The following DAB1 variants were observed in gnomAD, a reference collection of about 807,000 sequenced individuals.
DAB1 encodes the protein DAB adaptor protein 1.
Under a neutral mutation model 64.6 loss-of-function variants are expected in DAB1, and 15 were observed. That is an observed-to-expected ratio of 0.23 (90% CI 0.16 to 0.36). The LOEUF is 0.36. DAB1 is among the 10% of genes least tolerant of loss of function. The pLI is 1.00. For missense variants in DAB1, 596 were observed against 706.7 expected (o/e 0.84, Z 1.78); for synonymous variants, 235 against 251.9 (o/e 0.93, Z 0.64).
chr1:58,449,475 G>A (rs948327362), intron 3 of DAB1, among the ~76,000 whole-genome samples: 1 of 152,300 alleles, frequency 6.6e-6, no homozygotes, highest in African/African-American at 2.4e-5. Context: ...GGATGGGTGA[G>A]AATAGGATAG....
intron 4 of DAB1, among the ~76,000 whole-genome samples, chr1:58,211,634 G>A (rs1302784761): frequency 6.6e-6 from 1 of 152,150 alleles, no homozygotes; most frequent in Non-Finnish European, 1.5e-5. Context: ...GTTTTCCATT[G>A]CCTATGGCTT....
intron 2 of DAB1, among the ~76,000 whole-genome samples, chr1:57,159,734 A>G (rs1360703671): frequency 6.6e-6 from 1 of 151,938 alleles, no homozygotes; most frequent in Non-Finnish European, 1.5e-5. Context: ...CAAAGGTCTC[A>G]GGTACTATTA....
At chr1:57,497,120 T>C (rs961538684) in intron 7 of DAB1, among the ~76,000 whole-genome samples, 2 of 152,234 alleles carry the variant, frequency 1.3e-5, no homozygotes, top group Non-Finnish European at 2.9e-5. Flanking sequence ...CACATGCTAC[T>C]TCCTCAGAAA....
At chr1:57,377,282 A>G (rs1488052087) in intron 1 of DAB1, among the ~76,000 whole-genome samples, 1 of 58,348 alleles carries the variant, frequency 1.7e-5, no homozygotes, top group African/African-American at 7.1e-5. Flanking sequence ...AAAAAAAAAA[A>G]AAAGAAAAGA....
chr1:58,139,729 G>T (rs1654169739), intron 5 of DAB1, among the ~76,000 whole-genome samples: 1 of 152,230 alleles, frequency 6.6e-6, no homozygotes, highest in Non-Finnish European at 1.5e-5. Flanking sequence ...CTTGCTAAAA[G>T]ATGTAATTTG....
intron 2 of DAB1, among the ~76,000 whole-genome samples, chr1:57,150,892 G>C (rs1018921989): frequency 7.9e-5 from 12 of 152,140 alleles, no homozygotes; most frequent in African/African-American, 2.7e-4. Flanking sequence ...CTGGTGGAGT[G>C]CACCTGCAAT....
chr1:57,791,431 A>G (rs1036553889), intron 6 of DAB1, among the ~76,000 whole-genome samples: 1 of 152,196 alleles, frequency 6.6e-6, no homozygotes, highest in African/African-American at 2.4e-5. Context: ...CATTATGAAA[A>G]TATAAAAGGA....
chr1:57,502,143 AC>A (rs1270920040), intron 7 of DAB1, among the ~76,000 whole-genome samples: 2 of 151,660 alleles, frequency 1.3e-5, no homozygotes, highest in African/African-American at 4.8e-5. Context: ...ACACGGTGAA[AC>A]CCCGTCTCTA....
chr1:57,531,998 CT>C, intron 7 of DAB1, among the ~76,000 whole-genome samples: 1 of 152,076 alleles, frequency 6.6e-6, no homozygotes, highest in East Asian at 1.9e-4. Flanking sequence ...TATTAATTAC[CT>C]TTGTTTTCAG....
At chr1:57,326,931 ATTAT>A (rs61451955) in intron 1 of DAB1, among the ~76,000 whole-genome samples, 14,843 of 149,996 alleles carry the variant, frequency 0.099, 1,768 homozygotes, top group African/African-American at 0.29. Flanking sequence ...ACAGAGCACT[ATTAT>A]TTATTTATTT....
intron 2 of DAB1, among the ~76,000 whole-genome samples, chr1:57,171,360 A>C (rs1661741529): frequency 6.6e-6 from 1 of 152,226 alleles, no homozygotes; most frequent in African/African-American, 2.4e-5. Flanking sequence ...AATGCAAATC[A>C]CTGAGGATGT....
At chr1:58,462,137 T>A (rs1430338298) in intron 3 of DAB1, among the ~76,000 whole-genome samples, 2 of 133,724 alleles carry the variant, frequency 1.5e-5, no homozygotes, top group African/African-American at 6.2e-5. Flanking sequence ...TTTTTTTTTT[T>A]GAGACGGAGT....
At chr1:57,321,879 A>AAAGAAG (rs752177415) in intron 1 of DAB1, among the ~76,000 whole-genome samples, 37,080 of 152,012 alleles carry the variant, frequency 0.24, 5,722 homozygotes, top group Non-Finnish European at 0.35. Context: ...GACTCTTTCC[A>AAAGAAG]CAATACCTAC....
At chr1:57,829,111 G>T (rs558543212) in intron 1 of DAB1, among the ~76,000 whole-genome samples, 1 of 152,204 alleles carries the variant, frequency 6.6e-6, no homozygotes, top group Non-Finnish European at 1.5e-5. Flanking sequence ...ACCTTGTTTG[G>T]ATTATAGCCT....
chr1:57,582,263 G>C (rs1169886905), intron 7 of DAB1, among the ~76,000 whole-genome samples: 1 of 152,188 alleles, frequency 6.6e-6, no homozygotes, highest in African/African-American at 2.4e-5. Context: ...CATGGAAGAA[G>C]GCAAACGGGA....
chr1:57,086,198 A>G (rs1653056616), intron 4 of DAB1, among the ~76,000 whole-genome samples: 1 of 152,098 alleles, frequency 6.6e-6, no homozygotes, highest in Non-Finnish European at 1.5e-5. Context: ...GCTGCAGTTA[A>G]GCCTTCCCAC....
intron 4 of DAB1, among the ~76,000 whole-genome samples, chr1:58,177,587 T>G (rs1656554794): frequency 6.6e-6 from 1 of 152,164 alleles, no homozygotes; most frequent in Admixed American, 6.5e-5. Flanking sequence ...CAGTGCCTGT[T>G]GTACTGTAGA....
intron 4 of DAB1, among the ~76,000 whole-genome samples, chr1:58,170,709 C>T (rs189926945): frequency 1.2e-3 from 184 of 152,238 alleles, no homozygotes; most frequent in African/African-American, 4.2e-3. Context: ...GATTGTCCAA[C>T]GAGAAACAAT....
At chr1:57,512,295 T>C (rs1055384420) in intron 7 of DAB1, among the ~76,000 whole-genome samples, 1 of 152,180 alleles carries the variant, frequency 6.6e-6, no homozygotes, top group Admixed American at 6.5e-5. Flanking sequence ...AGCATCCTAC[T>C]AGGCACAGAA....
Sources: allele counts gnomAD v4.1 joint callset (sites outside exome capture counted in the v4.1 genomes callset), GRCh38; gene constraint gnomAD v4.1.1; transcripts MANE v1.5; gene names NCBI Gene and HGNC (gene_info 2026-07-23, HGNC 2026-07-21).